Variants in KLHL31 observed in about 807,000 individuals in gnomAD.
KLHL31 encodes kelch like family member 31, also known as kelch-like protein 31.
A neutral mutation model predicts 47.1 loss-of-function variants in KLHL31; 32 were observed. That is an observed-to-expected ratio of 0.68 (90% CI 0.51 to 0.91). KLHL31 has a LOEUF of 0.91. Among genes scored for constraint, KLHL31 ranks in the 40% least tolerant of loss-of-function variants. KLHL31 has a pLI of 0.00. For missense variants in KLHL31, 797 were observed against 819.3 expected (o/e 0.97, Z 0.33); for synonymous variants, 330 against 325.1 (o/e 1.01, Z -0.16).
intron 1 of KLHL31, among the ~76,000 whole-genome samples, chr6:53,655,891 G>A (rs1581789164): frequency 6.6e-6 from 1 of 152,078 alleles, no homozygotes; most frequent in East Asian, 1.9e-4. Flanking sequence ...ACAGATGTGA[G>A]CCACTATACC....
At chr6:53,659,973 A>G (rs936996655) in intron 1 of KLHL31, among the ~76,000 whole-genome samples, 11 of 152,048 alleles carry the variant, frequency 7.2e-5, no homozygotes, top group African/African-American at 2.7e-4. Context: ...CACCCATGGG[A>G]ACTTCCATGC....
Position 53,652,148 on chromosome 6 carries a change from A to C in KLHL31, c.1355T>G (p.Leu452Arg). ...STNQWQPKTP[L>R]EVARCCHASA... ...AGCGTGGCAGCAGCGCGCCACCTCC[A>C]GGGGCGTCTTCGGCTGCCACTGATT... The change falls in exon 3 of 3, where the codon CTG becomes CGG. Residue 452 changes from leucine to arginine, a missense_variant. Physicochemically the swap from Leu to Arg is moderately radical, Grantham distance 102. Transcript: ENST00000370905. 6.2e-7 allele frequency: 1 copy of C among 1,605,022 alleles called. No homozygotes were observed. Among genetic ancestry groups the C allele is most frequent in the Non-Finnish European group, 8.5e-7 (1 of 1,179,070 alleles).
rs1007558874 is a variant in KLHL31, at chr6:53,648,406, C to T, written c.*3192G>A. On this transcript the variant is annotated 3_prime_UTR_variant, in exon 3 of 3. Transcript: ENST00000370905. ...GAGGTGATTTTAGTTTATTTCGTCT[C>T]GTAACTTGGATGAGTTCTGAAGACA... The T allele has an allele frequency of 2.0e-5, 3 of 152,202 alleles. No homozygotes were observed. Among genetic ancestry groups the T allele is most frequent in the South Asian group, 2.1e-4 (1 of 4,824 alleles). The allele number at this position is 152,202 out of a possible 1,614,324, so 9.4% of individuals were successfully genotyped here. A position where few individuals can be genotyped will look rare whatever the true frequency, so the allele number is the denominator to read the frequency against.
intron 1 of KLHL31, among the ~76,000 whole-genome samples, chr6:53,662,755 A>G (rs1444349095): frequency 3.9e-5 from 6 of 152,234 alleles, no homozygotes; most frequent in Non-Finnish European, 5.9e-5. Context: ...CCATGTATTC[A>G]ACACCTGATA....
chr6:53,654,990 T>G lies in KLHL31; in HGVS notation c.283A>C (p.Ser95Arg). The G allele has an allele frequency of 6.2e-7, 1 of 1,614,204 alleles. No individual in the cohort carries two copies. The highest frequency in any genetic ancestry group is 8.5e-7 in the Non-Finnish European group (1 of 1,180,022). ...DVHKSVMASC[S>R]EYFYNILKKD... is the part of the protein sequence containing the mutation. ...TTTAGGATGTTGTAAAAATACTCAC[T>G]GCATGAAGCCATGACTGACTTATGA... The change falls in exon 2 of 3, where the codon AGT becomes CGT. Residue 95 changes from serine to arginine, a missense_variant. Transcript: ENST00000370905.
chr6:53,656,950 T>TTTTTTTTTTG (rs1764569606), intron 1 of KLHL31, among the ~76,000 whole-genome samples: 1 of 148,614 alleles, frequency 6.7e-6, no homozygotes. Flanking sequence ...TTTTTTTTTT[T>TTTTTTTTTTG]GAGATCGGGT....
At chr6:53,663,545 T>C (rs542712098) in intron 1 of KLHL31, among the ~76,000 whole-genome samples, 2 of 152,326 alleles carry the variant, frequency 1.3e-5, no homozygotes, top group East Asian at 1.9e-4. Context: ...TATGAAATTA[T>C]CATTTTTTGT....
intron 2 of KLHL31, 90 bp downstream of exon 2, chr6:53,654,011 A>G: frequency 9.0e-7 from 1 of 1,106,284 alleles, no homozygotes; most frequent in Non-Finnish European, 1.3e-6. Context: ...CCAATGGACT[A>G]AGTTAATAAG....
In KLHL31 at chr6:53,652,073, T is replaced by A; in HGVS notation, c.1430A>T (p.Asn477Ile). ...GGCGCACACAGAGCGCGAGTAGGCG[T>A]TGGCTATGTAGCCTCCGGTCACCAG... is the stretch of plus-strand genomic sequence containing the variant. ...RVLVTGGYIA[N>I]AYSRSVCAYD... is the part of the protein sequence containing the mutation. Residue 477 changes from asparagine to isoleucine, a missense_variant, in exon 3 of 3, where the codon AAC becomes ATC. Asn to Ile is a moderately radical substitution (Grantham distance 149). Coordinates refer to ENST00000370905, the MANE Select transcript of KLHL31 (RefSeq NM_001003760.5). The A allele has an allele frequency of 6.3e-7, 1 of 1,597,618 alleles. No individual in the cohort carries two copies. Among genetic ancestry groups the A allele is most frequent in the Non-Finnish European group, 8.5e-7 (1 of 1,177,092 alleles).
intron 1 of KLHL31, among the ~76,000 whole-genome samples, chr6:53,659,599 T>G (rs1452888726): frequency 6.6e-6 from 1 of 152,082 alleles, no homozygotes; most frequent in African/African-American, 2.4e-5. Context: ...GGGAGAAGGT[T>G]ATTAGAAGTA....
At chr6:53,661,319 G>A (rs1764642055) in intron 1 of KLHL31, among the ~76,000 whole-genome samples, 1 of 152,116 alleles carries the variant, frequency 6.6e-6, no homozygotes, top group Non-Finnish European at 1.5e-5. Context: ...GGGCATACAG[G>A]AAAGGCTTCA....
intron 1 of KLHL31, among the ~76,000 whole-genome samples, chr6:53,661,638 A>G (rs1764647563): frequency 6.6e-6 from 1 of 152,214 alleles, no homozygotes; most frequent in African/African-American, 2.4e-5. Context: ...AGATGGCTGG[A>G]AAATCTGAGT....
chr6:53,655,430 T>C (rs1473524106), intron 1 of KLHL31, 125 bp from the exon 2 acceptor site: 1 of 529,848 alleles, frequency 1.9e-6, no homozygotes, highest in East Asian at 3.0e-5. Flanking sequence ...ATTTTTAAAA[T>C]AGATTTAAAG....
chr6:53,655,725 G>C (rs1412013388), intron 1 of KLHL31, among the ~76,000 whole-genome samples: 2 of 151,394 alleles, frequency 1.3e-5, no homozygotes, highest in African/African-American at 4.9e-5. Context: ...TTCTGCCTCA[G>C]CCTCCCAAGT....
chr6:53,659,405 C>A (rs1241597284), intron 1 of KLHL31, among the ~76,000 whole-genome samples: 3 of 152,140 alleles, frequency 2.0e-5, no homozygotes, highest in African/African-American at 7.2e-5. Context: ...AAACTTGGGG[C>A]ATTTGGTTAT....
chr6:53,662,905 T>C (rs1226104938), intron 1 of KLHL31, among the ~76,000 whole-genome samples: 2 of 152,206 alleles, frequency 1.3e-5, no homozygotes, highest in African/African-American at 4.8e-5. Flanking sequence ...ATAGCTCCAT[T>C]TTCACCTAAA....
rs1021595109 is a variant in KLHL31, at chr6:53,654,364, T to C, written c.909A>G (p.Thr303=). The change falls in exon 2 of 3, where the codon ACA becomes ACG. Residue 303 remains threonine, a synonymous_variant. Coordinates refer to ENST00000370905, the MANE Select transcript of KLHL31 (RefSeq NM_001003760.5). ...NYHLLPYHQN[T]LQSRRTRIRG... ...GGATTCTTGTTCGCCTAGATTGCAA[T>C]GTGTTTTGATGATATGGAAGCAAGT... 1.9e-6 allele frequency: 3 copies of C among 1,614,188 alleles called. No individual in the cohort carries two copies. Among genetic ancestry groups the C allele is most frequent in the Non-Finnish European group, 1.7e-6 (2 of 1,180,030 alleles).
rs763867568 is a variant in KLHL31 at position 53,652,107 on chromosome 6, C to T, written c.1396G>A (p.Gly466Ser). The change falls in exon 3 of 3, where the codon GGC (glycine) becomes AGC (serine). Residue 466 changes from glycine to serine, a missense_variant. Transcript: ENST00000370905. ...TAGCCTCCGGTCACCAGCACGCGGC[C>T]GTCGGCGACCGCGCTAGCGTGGCAG... Reference protein sequence around the residue: ...RCCHASAVADGRVLVTGGYIA... With the variant: ...RCCHASAVADSRVLVTGGYIA... The T allele has an allele frequency of 1.2e-6, 2 of 1,600,238 alleles. No individual in the cohort carries two copies. Among genetic ancestry groups the T allele is most frequent in the South Asian group, 2.2e-5 (2 of 90,842 alleles).
intron 1 of KLHL31, among the ~76,000 whole-genome samples, chr6:53,663,269 G>T (rs964927662): frequency 6.6e-6 from 1 of 152,144 alleles, no homozygotes; most frequent in African/African-American, 2.4e-5. Flanking sequence ...GGTATAGCTG[G>T]TGTTTATAAA....
Sources: gnomAD v4.1 joint callset for allele counts (sites outside exome capture counted in the v4.1 genomes callset) on GRCh38, gnomAD v4.1.1 for gene constraint, MANE v1.5 for transcripts, NCBI Gene and HGNC (gene_info 2026-07-23, HGNC 2026-07-21) for gene names.